EPHA8: variants seen among roughly 807,000 people sequenced by gnomAD.
EPHA8 encodes ephrin type-A receptor 8.
Under a neutral mutation model 103.6 loss-of-function variants are expected in EPHA8, and 58 were observed. The observed-to-expected ratio is 0.56, with a 90% CI of 0.45 to 0.70. The LOEUF (loss-of-function observed/expected upper bound fraction) is 0.70. Among genes scored for constraint, EPHA8 ranks in the 30% least tolerant of loss-of-function variants. EPHA8 has a pLI of 0.00. For missense variants in EPHA8, 1,304 were observed against 1,395.2 expected (o/e 0.93, Z 1.04); for synonymous variants, 559 against 572.5 (o/e 0.98, Z 0.34).
chr1:22,597,561 G>A lies in EPHA8; in HGVS notation c.1930+85G>A. 1 of 1,566,796 alleles carries A rather than the reference G, an allele frequency of 6.4e-7. No individual in the cohort carries two copies. The highest frequency in any genetic ancestry group is 1.2e-5 in the South Asian group (1 of 82,868). On this transcript the variant is annotated intron_variant, in intron 10 of 16. Coordinates refer to ENST00000166244, the MANE Select transcript of EPHA8 (RefSeq NM_020526.5). This position sits in a 1 kb window ranked among gnomAD's most constrained non-coding sequence, Gnocchi z 4.6. The stretch of plus-strand genomic sequence containing the variant: ...CAAGGTGGGGGCACCCAGGGCAGAG[G>A]GAGCGTGTGACCCAGGGGTCTGGCA...
chr1:22,601,796 G>A lies in EPHA8; in HGVS notation c.*55G>A, dbSNP rs1228301102. On this transcript the variant is annotated 3_prime_UTR_variant, in exon 17 of 17. Coordinates refer to ENST00000166244, the MANE Select transcript of EPHA8 (RefSeq NM_020526.5). ...CAAGCCCACCCCAGGTCATGCCAGC[G>A]GCAGAGGACGTGAGGGGCTGGCAGC... 13 of 1,498,340 alleles carry A rather than the reference G, an allele frequency of 8.7e-6. No homozygotes were observed. Among genetic ancestry groups the A allele is most frequent in the Admixed American group, 4.0e-5 (2 of 50,144 alleles). 92.8% of individuals were successfully genotyped at this position (1,498,340 alleles called of 1,614,324 possible).
At position 22,577,921 on chromosome 1, in the gene EPHA8, GTA is replaced by G. The variant is rs879076341; in HGVS notation, c.823+1043_823+1044del. 2.1e-4 allele frequency among the ~76,000 whole-genome samples: 7 copies of G among 32,874 alleles called. 1 individual carries two copies. Among genetic ancestry groups the G allele is most frequent in the East Asian group, 9.1e-4 (1 of 1,098 alleles). 21.6% of individuals were successfully genotyped at this position (32,874 alleles called of 152,430 possible). On this transcript the variant is annotated intron_variant, in intron 3 of 16. Transcript: ENST00000166244. ...CATGTGTGTGTATGTGTGCGTGAGT[GTA>G]TGTGTGCGTGAGTGTATGTGTGCGA...
In EPHA8 at chr1:22,580,683, A is replaced by C. The variant is rs72875436; in HGVS notation, c.823+3803A>C. Among the ~76,000 whole-genome samples, 1,006 of 152,322 alleles carry C rather than the reference A, an allele frequency of 6.6e-3. 11 individuals carry two copies. Among genetic ancestry groups the C allele is most frequent in the African/African-American group, 0.023 (957 of 41,568 alleles). The stretch of plus-strand genomic sequence containing the variant: ...AACAACCAACACCCCTATTGCCTTC[A>C]CAGCTCATAGCGGGGCGCATCACAT... On this transcript the variant is annotated intron_variant, in intron 3 of 16. Transcript: ENST00000166244.
intron 5 of EPHA8, 59 bp from the exon 6 acceptor site, chr1:22,593,267 T>C: frequency 1.3e-6 from 2 of 1,532,438 alleles, no homozygotes; most frequent in Non-Finnish European, 1.8e-6. Flanking sequence ...TGGGAAGGGT[T>C]GGGAGAGAGG....
At position 22,597,235 on chromosome 1, in the gene EPHA8, C is replaced by A. The variant is rs977512009; in HGVS notation, c.1766-77C>A. On this transcript the variant is annotated intron_variant, in intron 9 of 16. Coordinates refer to ENST00000166244, the MANE Select transcript of EPHA8 (RefSeq NM_020526.5). This position sits in a 1 kb window ranked among gnomAD's most constrained non-coding sequence, Gnocchi z 4.6. ...AGACACCCCTCACCCCACCCCAGAC[C>A]CATCCCAGGCCCAGGGAATGTCAGG... 9.9e-6 allele frequency: 13 copies of A among 1,318,902 alleles called. No individual in the cohort carries two copies. Among genetic ancestry groups the A allele is most frequent in the African/African-American group, 1.5e-5 (1 of 68,236 alleles). 81.7% of individuals were successfully genotyped at this position (1,318,902 alleles called of 1,614,324 possible).
intron 4 of EPHA8, 120 bp from the exon 5 acceptor site, chr1:22,588,751 C>G (rs1641287935): frequency 6.7e-7 from 1 of 1,487,522 alleles, no homozygotes; most frequent in Non-Finnish European, 8.9e-7. Flanking sequence ...GGACCTTATC[C>G]TTAAGGAGCC....
At chr1:22,572,116 A>G (rs1229313238) in intron 2 of EPHA8, among the ~76,000 whole-genome samples, 4 of 152,198 alleles carry the variant, frequency 2.6e-5, no homozygotes, top group Admixed American at 1.3e-4. Context: ...TTGAGGTTCT[A>G]TCCACCCCTC....
rs1640719004 is a variant in EPHA8, at chr1:22,576,806, A to G, written c.749A>G (p.Glu250Gly). 6.2e-7 allele frequency: 1 copy of G among 1,612,658 alleles called. No homozygotes were observed. ...RDTPKMYCSA[E>G]GEWLVPIGKC... ...ACACCCAAGATGTACTGCAGCGCGG[A>G]GGGCGAGTGGCTCGTGCCCATCGGC... The change falls in exon 3 of 17, where the codon GAG (glutamate) becomes GGG (glycine). Residue 250 changes from glutamate (E) to glycine (G), a missense_variant. By Grantham distance (98) the Glu-to-Gly change is moderately conservative (BLOSUM62 -2). Coordinates refer to ENST00000166244, the MANE Select transcript of EPHA8 (RefSeq NM_020526.5). This position sits in a 1 kb window ranked among gnomAD's most constrained non-coding sequence, Gnocchi z 4.8.
Position 22,601,311 on chromosome 1 carries a change from C to CCTCAGG in EPHA8, c.2741_2742insCTCAGG (p.Pro914_Ala915insSerGly). 3 of 1,600,410 alleles carry CCTCAGG rather than the reference C, an allele frequency of 1.9e-6. No homozygotes were observed. Among genetic ancestry groups the CCTCAGG allele is most frequent in the Non-Finnish European group, 2.6e-6 (3 of 1,175,968 alleles). ...CCCCTGTGCCTCAGGTGCCCACCCC[C>CCTCAGG]TGCCTTCGTCCGGAGCTGCTTTGAC... On this transcript the variant is annotated inframe_insertion, in exon 16 of 17. Transcript: ENST00000166244.
At chr1:22,564,201 G>A (rs1257361549) in intron 1 of EPHA8, among the ~76,000 whole-genome samples, 1 of 151,236 alleles carries the variant, frequency 6.6e-6, no homozygotes, top group South Asian at 2.1e-4. Flanking sequence ...GGCAAAGGGG[G>A]TGGGGACAGC....
rs532857534 is a variant in EPHA8 at position 22,601,824 on chromosome 1, G to C, written c.*83G>C. 2.2e-6 allele frequency: 3 copies of C among 1,336,222 alleles called. No homozygotes were observed. The African/African-American group carries it at 4.4e-5, about 20-fold the overall frequency. 82.8% of individuals were successfully genotyped at this position (1,336,222 alleles called of 1,614,324 possible). ...AGAGGACGTGAGGGGCTGGCAGCAG[G>C]CAGGGCGGCCCCAGGCCTCTGCCCT... On this transcript the variant is annotated 3_prime_UTR_variant, in exon 17 of 17. Transcript: ENST00000166244.
Position 22,576,603 on chromosome 1 carries a change from C to T in EPHA8, c.546C>T (p.Tyr182=), listed in dbSNP as rs1454978748. 2 of 1,613,924 alleles carry T rather than the reference C, an allele frequency of 1.2e-6. No homozygotes were observed. The highest frequency in any genetic ancestry group is 1.3e-5 in the African/African-American group (1 of 74,928). Residue 182 remains tyrosine, a synonymous_variant, in exon 3 of 17, where the codon TAC becomes TAT. Coordinates refer to ENST00000166244, the MANE Select transcript of EPHA8 (RefSeq NM_020526.5). The surrounding 1 kb of genome is among the most constrained non-coding windows in gnomAD (Gnocchi z 4.8). The stretch of plus-strand genomic sequence containing the variant: ...GTCCCCTCAGCAAGCGCGGCTTCTA[C>T]CTGGCCTTCCAGGACATAGGTGCCT... ...SVGPLSKRGF[Y]LAFQDIGACL...
chr1:22,593,347 T>C lies in EPHA8; in HGVS notation c.1337T>C (p.Ile446Thr). The C allele has an allele frequency of 6.3e-7, 1 of 1,577,010 alleles. No homozygotes were observed. Among genetic ancestry groups the C allele is most frequent in the Non-Finnish European group, 8.6e-7 (1 of 1,161,200 alleles). Reference sequence around the variant, plus strand: ...CCAGCCCCGTCCCAGGTGGTGGTGATCCGTCAAGAGCGGGCGGGGCAGACC... The same window carrying C: ...CCAGCCCCGTCCCAGGTGGTGGTGACCCGTCAAGAGCGGGCGGGGCAGACC... Reference protein sequence around the residue: ...NQAAPSQVVVIRQERAGQTSV... With the variant: ...NQAAPSQVVVTRQERAGQTSV... Residue 446 changes from isoleucine (I) to threonine (T), a missense_variant, in exon 6 of 17, where the codon ATC becomes ACC. Coordinates refer to ENST00000166244, the MANE Select transcript of EPHA8 (RefSeq NM_020526.5).
intron 9 of EPHA8, 62 bp downstream of exon 9, chr1:22,596,235 A>G: frequency 6.5e-7 from 1 of 1,531,474 alleles, no homozygotes; most frequent in South Asian, 1.1e-5. Context: ...CCAGTGCTGG[A>G]CTGGGGGTGG....
At chr1:22,581,430 G>T (rs1307189287) in intron 3 of EPHA8, among the ~76,000 whole-genome samples, 1 of 152,254 alleles carries the variant, frequency 6.6e-6, no homozygotes, top group East Asian at 1.9e-4. Context: ...ACATCTGTCT[G>T]TAGGAAGAAG....
chr1:22,581,415 G>A (rs1179200472), intron 3 of EPHA8, among the ~76,000 whole-genome samples: 3 of 152,238 alleles, frequency 2.0e-5, no homozygotes, highest in African/African-American at 7.2e-5. Flanking sequence ...CAGGTGAACT[G>A]AACCACATCT....
chr1:22,572,773 C>A (rs535992087), intron 2 of EPHA8, among the ~76,000 whole-genome samples: 1 of 152,210 alleles, frequency 6.6e-6, no homozygotes, highest in African/African-American at 2.4e-5. Flanking sequence ...GGGGGAGCAG[C>A]GTGCCAGAGT....
chr1:22,572,088 A>G (rs1640558375), intron 2 of EPHA8, among the ~76,000 whole-genome samples: 1 of 152,140 alleles, frequency 6.6e-6, no homozygotes, highest in Non-Finnish European at 1.5e-5. Context: ...TGGGAGGGGG[A>G]ACCTCTGGAG....
At chr1:22,574,031 C>T (rs185717028) in intron 2 of EPHA8, among the ~76,000 whole-genome samples, 4 of 152,320 alleles carry the variant, frequency 2.6e-5, no homozygotes, top group East Asian at 1.9e-4. Flanking sequence ...CAGGTTGGAG[C>T]GCAGTGGCAC....
Sources: gnomAD v4.1 joint callset for allele counts (sites outside exome capture counted in the v4.1 genomes callset) on GRCh38, gnomAD v4.1.1 for gene constraint, Gnocchi (gnomAD v3.1) non-coding constraint, MANE v1.5 for transcripts, NCBI Gene and HGNC (gene_info 2026-07-23, HGNC 2026-07-21) for gene names.